Variants in C8orf34 observed in about 807,000 individuals in gnomAD.
C8orf34 encodes the protein chromosome 8 open reading frame 34, also known as uncharacterized protein C8orf34.
Under a neutral mutation model 68.3 loss-of-function variants are expected in C8orf34, and 65 were observed. The observed-to-expected ratio is 0.95, with a 90% CI of 0.78 to 1.17. C8orf34 has a LOEUF of 1.17. Ranked by LOEUF, C8orf34 falls within the 50% of genes most tolerant of loss-of-function variation. The probability of loss-of-function intolerance (pLI) is 0.00; values close to 1 mark genes in which losing one functional copy is unlikely to be tolerated. For synonymous variants in C8orf34, 244 were observed against 241.2 expected (o/e 1.01, Z -0.11); for missense variants, 664 against 655.4 (o/e 1.01, Z -0.14).
At chr8:68,786,756 A>G (rs954589272) in intron 11 of C8orf34, among the ~76,000 whole-genome samples, 7 of 152,180 alleles carry the variant, frequency 4.6e-5, no homozygotes, top group African/African-American at 1.7e-4. Flanking sequence ...GAATAGAGCC[A>G]CTGAAAAATT....
intron 1 of C8orf34, among the ~76,000 whole-genome samples, chr8:68,415,495 A>G: frequency 6.6e-6 from 1 of 151,970 alleles, no homozygotes; most frequent in East Asian, 1.9e-4. Flanking sequence ...AAAAAAAGAA[A>G]AAAAAAGTGT....
chr8:68,692,770 G>A (rs958347760), intron 8 of C8orf34, among the ~76,000 whole-genome samples: 1 of 152,040 alleles, frequency 6.6e-6, no homozygotes, highest in Non-Finnish European at 1.5e-5. Flanking sequence ...TTGCTACTAG[G>A]CAAATAGAAG....
intron 4 of C8orf34, among the ~76,000 whole-genome samples, chr8:68,472,480 T>C (rs185440485): frequency 4.7e-4 from 71 of 152,236 alleles, no homozygotes; most frequent in African/African-American, 1.3e-3. Flanking sequence ...AGTATTCTAT[T>C]TGAGGGTGTG....
At chr8:68,359,794 A>C (rs1806907152) in intron 1 of C8orf34, among the ~76,000 whole-genome samples, 1 of 152,184 alleles carries the variant, frequency 6.6e-6, no homozygotes, top group Non-Finnish European at 1.5e-5. Flanking sequence ...AAATACCATA[A>C]GCACAAAGGG....
At chr8:68,617,136 G>T (rs1365432903) in intron 7 of C8orf34, among the ~76,000 whole-genome samples, 2 of 151,914 alleles carry the variant, frequency 1.3e-5, no homozygotes. Flanking sequence ...TTTTCCATTT[G>T]CTTGGTAGAT....
rs577800088 is a variant in C8orf34 at position 68,710,106 on chromosome 8, A to G, written c.1327+1027A>G. ...ATGCCCAAAGAAGCTCAGGATTAAG[A>G]TGGTGGACAGGAGGCAGGACTAGAT... On this transcript the variant is annotated intron_variant, in intron 9 of 13. Transcript: ENST00000518698. 1.6e-4 allele frequency among the ~76,000 whole-genome samples: 24 copies of G among 152,308 alleles called. 1 individual carries two copies. In the South Asian group the frequency reaches 4.2e-3, roughly 26 times the overall value.
chr8:68,758,693 G>A (rs1474040471), intron 10 of C8orf34, among the ~76,000 whole-genome samples: 3 of 152,008 alleles, frequency 2.0e-5, no homozygotes, highest in Non-Finnish European at 2.9e-5. Flanking sequence ...TTGCAGAACT[G>A]CACTTCTTAC....
At chr8:68,742,880 T>C (rs373012775) in intron 10 of C8orf34, among the ~76,000 whole-genome samples, 4 of 152,354 alleles carry the variant, frequency 2.6e-5, no homozygotes, top group East Asian at 3.9e-4. Context: ...TTACCACTTT[T>C]TCTTCCTGAA....
chr8:68,449,728 T>C (rs184978576), intron 3 of C8orf34, among the ~76,000 whole-genome samples: 42 of 152,290 alleles, frequency 2.8e-4, no homozygotes, highest in African/African-American at 9.4e-4. Context: ...CATCTGAGCT[T>C]TCAATGAGTC....
In C8orf34 at chr8:68,521,879, TC is replaced by T; in HGVS notation, c.850del (p.Leu284Ter). 5.6e-6 allele frequency: 9 copies of T among 1,614,044 alleles called. No homozygotes were observed. The highest frequency in any genetic ancestry group is 7.6e-6 in the Non-Finnish European group (9 of 1,179,986). On this transcript the variant is annotated frameshift_variant, in exon 6 of 14. Coordinates refer to ENST00000518698, the MANE Select transcript of C8orf34 (RefSeq NM_052958.4). LOFTEE classifies it high-confidence loss of function. ...TTGGTAGAGAAGAAAATGATGCTGA[TC>T]CCCTAGCTGCTGAAATGCTACAGCC... The part of the protein sequence containing the change: ...WIGREENDAD[P>X]LAAEMLQPPI...
chr8:68,718,294 A>T (rs1020598057), intron 9 of C8orf34, among the ~76,000 whole-genome samples: 2 of 152,178 alleles, frequency 1.3e-5, no homozygotes, highest in Non-Finnish European at 2.9e-5. Context: ...TTAATTTTTT[A>T]AATTTTATCA....
intron 5 of C8orf34, among the ~76,000 whole-genome samples, chr8:68,489,364 A>G (rs113464919): frequency 0.025 from 3,799 of 152,296 alleles, 158 homozygotes; most frequent in African/African-American, 0.087. Context: ...AAAGTATTGT[A>G]CAGGTTGCAT....
chr8:68,497,501 A>G (rs752169975), intron 5 of C8orf34, among the ~76,000 whole-genome samples: 1 of 152,178 alleles, frequency 6.6e-6, no homozygotes, highest in African/African-American at 2.4e-5. Context: ...AAATGATCCT[A>G]TTTCTATGAA....
intron 8 of C8orf34, among the ~76,000 whole-genome samples, chr8:68,670,764 A>C (rs544145605): frequency 6.6e-6 from 1 of 152,218 alleles, no homozygotes; most frequent in Admixed American, 6.5e-5. Context: ...TATGCACATT[A>C]ATTTGTTATG....
intron 7 of C8orf34, among the ~76,000 whole-genome samples, chr8:68,615,669 A>T (rs575393874): frequency 6.6e-6 from 1 of 152,114 alleles, no homozygotes; most frequent in African/African-American, 2.4e-5. Context: ...AAGCTTTTTG[A>T]TGTGCTGCTG....
At chr8:68,339,715 A>G (rs1444166860) in intron 1 of C8orf34, among the ~76,000 whole-genome samples, 1 of 151,988 alleles carries the variant, frequency 6.6e-6, no homozygotes, top group African/African-American at 2.4e-5. Flanking sequence ...GTAGGAGATA[A>G]TTTTTGTGAG....
intron 10 of C8orf34, among the ~76,000 whole-genome samples, chr8:68,774,331 G>GTATATA (rs550713780): frequency 4.6e-5 from 5 of 108,960 alleles, no homozygotes; most frequent in African/African-American, 1.8e-4. Flanking sequence ...GGGTGTGTGT[G>GTATATA]TATATATATA....
chr8:68,331,812 T>TTTTTTTTTTTTTTTTTTG (rs900067417), intron 1 of C8orf34, among the ~76,000 whole-genome samples: 1 of 116,382 alleles, frequency 8.6e-6, no homozygotes, highest in Non-Finnish European at 1.8e-5. Flanking sequence ...TTTTTTTTTT[T>TTTTTTTTTTTTTTTTTTG]AATGAGGGCG....
At chr8:68,615,497 G>A (rs937990631) in intron 7 of C8orf34, among the ~76,000 whole-genome samples, 3 of 152,182 alleles carry the variant, frequency 2.0e-5, no homozygotes, top group African/African-American at 7.2e-5. Context: ...TTTTTAGCAT[G>A]AAGGGTTGCT....
Sources: gnomAD v4.1 joint callset for allele counts (sites outside exome capture counted in the v4.1 genomes callset) on GRCh38, gnomAD v4.1.1 for gene constraint, MANE v1.5 for transcripts, NCBI Gene and HGNC (gene_info 2026-07-23, HGNC 2026-07-21) for gene names.